EFCAB6: variants seen among roughly 807,000 people sequenced by gnomAD.
EFCAB6 encodes EF-hand calcium binding domain 6.
EFCAB6 carries 156 observed loss-of-function variants against 169.8 expected under a neutral mutation model. The observed-to-expected ratio is 0.92, with a 90% confidence interval of 0.81 to 1.05. EFCAB6 has a LOEUF of 1.05. Among genes scored for constraint, EFCAB6 ranks in the 50% least tolerant of loss-of-function variants. The pLI is 0.00. For missense variants in EFCAB6, 1,800 were observed against 1,829.1 expected (o/e 0.98, Z 0.29); for synonymous variants, 698 against 676.4 (o/e 1.03, Z -0.50).
chr22:43,755,850 A>C lies in EFCAB6; in HGVS notation c.441-18T>G. 6.4e-7 allele frequency: 1 copy of C among 1,571,688 alleles called. No individual in the cohort carries two copies. The highest frequency in any genetic ancestry group is 8.6e-7 in the Non-Finnish European group (1 of 1,161,706). ...CACCTCCCCTTAGAAATAAAAAAAAAATCTTTATTAAAACATTTTAACCAA... is the reference window on the plus strand; with the variant it reads ...CACCTCCCCTTAGAAATAAAAAAAACATCTTTATTAAAACATTTTAACCAA... On this transcript the variant is annotated intron_variant, in intron 5 of 31. Coordinates refer to ENST00000262726, the MANE Select transcript of EFCAB6 (RefSeq NM_022785.4).
At chr22:43,751,665 G>T (rs541938770) in intron 6 of EFCAB6, among the ~76,000 whole-genome samples, 81 of 152,298 alleles carry the variant, frequency 5.3e-4, no homozygotes, top group African/African-American at 1.9e-3. Context: ...ATGCTCCATG[G>T]ACAGAAAGGC....
rs569193529 is a variant in EFCAB6 at position 43,547,969 on chromosome 22, G to A, written c.3648+6900C>T. On this transcript the variant is annotated intron_variant, in intron 27 of 31. Transcript: ENST00000262726. The stretch of plus-strand genomic sequence containing the variant: ...AAATTAGCTGGATGTGGTGGCGGGC[G>A]CCTATAGTCCCAGCTACTTGGGAGG... Among the ~76,000 whole-genome samples the A allele has an allele frequency of 2.6e-3, 391 of 151,636 alleles. 1 individual carries two copies. The highest frequency in any genetic ancestry group is 4.5e-3 in the Non-Finnish European group (305 of 67,876).
chr22:43,565,342 C>T (rs1004495022), intron 26 of EFCAB6, among the ~76,000 whole-genome samples: 7 of 152,204 alleles, frequency 4.6e-5, no homozygotes, highest in Non-Finnish European at 1.0e-4. Context: ...GTTATTGTTT[C>T]GTGGCCCTGA....
chr22:43,583,481 A>G (rs2050864354), intron 24 of EFCAB6, among the ~76,000 whole-genome samples: 1 of 152,088 alleles, frequency 6.6e-6, no homozygotes, highest in Non-Finnish European at 1.5e-5. Flanking sequence ...AGAATAAATT[A>G]AACTCCAGGA....
At chr22:43,658,657 C>G (rs931409066) in intron 17 of EFCAB6, among the ~76,000 whole-genome samples, 1 of 152,112 alleles carries the variant, frequency 6.6e-6, no homozygotes, top group Non-Finnish European at 1.5e-5. Context: ...CCTCAGGGAA[C>G]GTGCCCTTCG....
intron 4 of EFCAB6, among the ~76,000 whole-genome samples, chr22:43,766,429 A>G (rs889564051): frequency 1.3e-5 from 2 of 152,366 alleles, no homozygotes; most frequent in South Asian, 4.1e-4. Flanking sequence ...CACAGAAGAA[A>G]CAAATGAGGT....
At chr22:43,564,241 A>G (rs1205110101) in intron 26 of EFCAB6, among the ~76,000 whole-genome samples, 2 of 152,100 alleles carry the variant, frequency 1.3e-5, no homozygotes, top group African/African-American at 2.4e-5. Context: ...TGAGGTCAGG[A>G]GTTCGAGACC....
intron 17 of EFCAB6, among the ~76,000 whole-genome samples, chr22:43,640,062 A>C (rs1472473586): frequency 1.3e-5 from 2 of 152,106 alleles, no homozygotes; most frequent in Non-Finnish European, 2.9e-5. Context: ...TTTCCTTTGT[A>C]TCACTGAGCA....
At chr22:43,666,251 AT>A (rs932332594) in intron 17 of EFCAB6, among the ~76,000 whole-genome samples, 3 of 152,008 alleles carry the variant, frequency 2.0e-5, no homozygotes, top group African/African-American at 7.3e-5. Flanking sequence ...GGTCTGGACT[AT>A]TTCAGTAGCT....
chr22:43,667,735 C>T (rs3944195), intron 16 of EFCAB6, among the ~76,000 whole-genome samples: 12,688 of 152,166 alleles, frequency 0.083, 660 homozygotes, highest in South Asian at 0.17. Context: ...CAAACATCCA[C>T]GGAAATGAAG....
At chr22:43,541,445 C>T (rs1042825064) in intron 27 of EFCAB6, among the ~76,000 whole-genome samples, 1 of 152,148 alleles carries the variant, frequency 6.6e-6, no homozygotes. Context: ...ACAGTGAGGT[C>T]CCTGCACCCT....
intron 6 of EFCAB6, 122 bp from the exon 7 acceptor site, chr22:43,736,115 A>C (rs2060128623): frequency 1.0e-6 from 1 of 984,528 alleles, no homozygotes; most frequent in East Asian, 3.0e-5. Flanking sequence ...AAAGACTCAC[A>C]GTGGTAGGCA....
intron 28 of EFCAB6, among the ~76,000 whole-genome samples, chr22:43,539,604 C>G (rs992120987): frequency 6.6e-6 from 1 of 152,180 alleles, no homozygotes; most frequent in Non-Finnish European, 1.5e-5. Flanking sequence ...CACCTTCCTC[C>G]GTCCCAGGCC....
intron 26 of EFCAB6, chr22:43,570,131 CA>C (rs1042484937): frequency 2.0e-5 from 3 of 152,036 alleles, no homozygotes; most frequent in Admixed American, 2.0e-4. Context: ...TCTCTTGGAA[CA>C]AAAAACATCT....
intron 17 of EFCAB6, among the ~76,000 whole-genome samples, chr22:43,657,729 G>A (rs957664476): frequency 1.3e-5 from 2 of 151,878 alleles, no homozygotes; most frequent in Non-Finnish European, 2.9e-5. Context: ...TTAAGTAGAA[G>A]GAAGAAAATA....
intron 2 of EFCAB6, among the ~76,000 whole-genome samples, chr22:43,784,631 A>ATG (rs370664362): frequency 0.1 from 4,375 of 41,928 alleles, 686 homozygotes; most frequent in South Asian, 0.19. Context: ...ACACATATAT[A>ATG]TGTATATGTA....
chr22:43,530,398 C>T (rs2046987205), intron 31 of EFCAB6, among the ~76,000 whole-genome samples: 1 of 152,214 alleles, frequency 6.6e-6, no homozygotes, highest in Non-Finnish European at 1.5e-5. Context: ...CCGCTGTGTA[C>T]TGCAGGGGCA....
At chr22:43,698,200 A>T (rs2058644832) in intron 10 of EFCAB6, among the ~76,000 whole-genome samples, 1 of 152,248 alleles carries the variant, frequency 6.6e-6, no homozygotes, top group East Asian at 1.9e-4. Context: ...TCTGCCAAGT[A>T]TCCAACCGGT....
intron 10 of EFCAB6, among the ~76,000 whole-genome samples, chr22:43,690,161 T>G (rs1420930693): frequency 1.3e-5 from 2 of 152,084 alleles, no homozygotes; most frequent in Non-Finnish European, 2.9e-5. Flanking sequence ...TACTCTTGCC[T>G]TCCTCCAATG....
Sources: allele counts gnomAD v4.1 joint callset (sites outside exome capture counted in the v4.1 genomes callset), GRCh38; gene constraint gnomAD v4.1.1; transcripts MANE v1.5; gene names NCBI Gene and HGNC (gene_info 2026-07-23, HGNC 2026-07-21).